The following HEMK2 variants were observed in gnomAD, a reference collection of about 807,000 sequenced individuals.
HEMK2 encodes the protein methyltransferase HEMK2.
chr21:28,619,756 G>A, the HEMK2 span, among the ~76,000 whole-genome samples: 1 of 152,166 alleles, frequency 6.6e-6, no homozygotes. Flanking sequence ...AATAATTGAT[G>A]TTCCTATTGA....
the HEMK2 span, among the ~76,000 whole-genome samples, chr21:28,627,075 AAATG>A: frequency 1.3e-5 from 2 of 152,222 alleles, no homozygotes; most frequent in African/African-American, 4.8e-5. Context: ...ACAAATACTG[AAATG>A]TGCAACAACA....
chr21:28,639,892 C>G, the HEMK2 span, among the ~76,000 whole-genome samples: 1 of 152,018 alleles, frequency 6.6e-6, no homozygotes, highest in African/African-American at 2.4e-5. Flanking sequence ...CAAAGGCATG[C>G]TAGGAGCAAA....
chr21:28,723,956 C>T, the HEMK2 span, among the ~76,000 whole-genome samples: 1,159 of 152,170 alleles, frequency 7.6e-3, 15 homozygotes, highest in African/African-American at 0.026. Context: ...TAACTTTGAC[C>T]ATCAGAAAGT....
the HEMK2 span, chr21:28,885,277 G>T: frequency 6.3e-7 from 1 of 1,592,348 alleles, no homozygotes; most frequent in Non-Finnish European, 8.6e-7. Context: ...CCGCGGGCTC[G>T]TACACGTCGC....
the HEMK2 span, among the ~76,000 whole-genome samples, chr21:28,629,733 C>T: frequency 1.3e-5 from 2 of 152,180 alleles, no homozygotes; most frequent in Non-Finnish European, 2.9e-5. Flanking sequence ...ATTTTCCAGC[C>T]CTCCTGTCAT....
the HEMK2 span, among the ~76,000 whole-genome samples, chr21:28,639,972 A>C: frequency 6.6e-6 from 1 of 152,190 alleles, no homozygotes; most frequent in African/African-American, 2.4e-5. Context: ...GGTTGGAGGG[A>C]GAGAAAGAAA....
At chr21:28,878,409 T>C in the HEMK2 span, 7 of 1,535,516 alleles carry the variant, frequency 4.6e-6, no homozygotes, top group African/African-American at 8.3e-5. Flanking sequence ...TTTTGACAAG[T>C]AATATCACCA....
At chr21:28,730,417 CAT>C in the HEMK2 span, among the ~76,000 whole-genome samples, 373 of 95,474 alleles carry the variant, frequency 3.9e-3, no homozygotes, top group African/African-American at 0.013. Flanking sequence ...CACACACACA[CAT>C]TTCTCACAAT....
the HEMK2 span, among the ~76,000 whole-genome samples, chr21:28,724,748 T>C: frequency 6.6e-6 from 1 of 152,216 alleles, no homozygotes; most frequent in Non-Finnish European, 1.5e-5. Flanking sequence ...ACAGATCAGC[T>C]TCTTCACTAC....
At chr21:28,732,266 A>G in the HEMK2 span, among the ~76,000 whole-genome samples, 1 of 152,238 alleles carries the variant, frequency 6.6e-6, no homozygotes, top group Non-Finnish European at 1.5e-5. Flanking sequence ...ATTTACTTGA[A>G]TTGCTGTATA....
chr21:28,700,415 A>G, the HEMK2 span, among the ~76,000 whole-genome samples: 1 of 152,304 alleles, frequency 6.6e-6, no homozygotes, highest in East Asian at 1.9e-4. Flanking sequence ...AAAGAAAAAA[A>G]GAGAGAATAT....
the HEMK2 span, among the ~76,000 whole-genome samples, chr21:28,745,813 C>G: frequency 5.6e-4 from 85 of 152,272 alleles, no homozygotes; most frequent in Non-Finnish European, 4.4e-4. Flanking sequence ...TTTCTCACCC[C>G]CTTCAAATCC....
the HEMK2 span, among the ~76,000 whole-genome samples, chr21:28,770,189 G>A: frequency 1.3e-5 from 2 of 152,236 alleles, no homozygotes; most frequent in Non-Finnish European, 1.5e-5. Context: ...TTTGGGGATT[G>A]CTTCTCTGCT....
the HEMK2 span, among the ~76,000 whole-genome samples, chr21:28,840,027 C>T: frequency 6.6e-6 from 1 of 152,100 alleles, no homozygotes; most frequent in Non-Finnish European, 1.5e-5. Flanking sequence ...GCACAAAGAC[C>T]AATGGAACAG....
chr21:28,603,102 C>T, the HEMK2 span, among the ~76,000 whole-genome samples: 4 of 152,194 alleles, frequency 2.6e-5, no homozygotes, highest in African/African-American at 9.7e-5. Context: ...TGGGGACACA[C>T]TGAGGCTTAA....
chr21:28,794,143 GT>G, the HEMK2 span, among the ~76,000 whole-genome samples: 94 of 152,038 alleles, frequency 6.2e-4, no homozygotes, highest in East Asian at 0.017. Flanking sequence ...GGTACCTAAA[GT>G]TTTTTTTAAT....
chr21:28,765,899 A>G, the HEMK2 span, among the ~76,000 whole-genome samples: 1 of 152,052 alleles, frequency 6.6e-6, no homozygotes, highest in Non-Finnish European at 1.5e-5. Flanking sequence ...GCAAATTAAA[A>G]CCACAATGAG....
At chr21:28,806,817 A>G in the HEMK2 span, among the ~76,000 whole-genome samples, 12 of 152,242 alleles carry the variant, frequency 7.9e-5, no homozygotes, top group African/African-American at 2.9e-4. Context: ...AGGAAAGGAC[A>G]AGGAAGGATG....
At chr21:28,618,754 T>TACATTGGCACACAGCTCGCTCAATACTA in the HEMK2 span, among the ~76,000 whole-genome samples, 1 of 152,220 alleles carries the variant, frequency 6.6e-6, no homozygotes. Context: ...TTTTTGACAG[T>TACATTGGCACACAGCTCGCTCAATACTA]ACATTGGCAC....
Sources: gnomAD v4.1 joint callset for allele counts (sites outside exome capture counted in the v4.1 genomes callset) on GRCh38, gnomAD v4.1.1 for gene constraint, MANE v1.5 for transcripts, NCBI Gene and HGNC (gene_info 2026-07-23, HGNC 2026-07-21) for gene names.